The following UMAD1 variants were observed in gnomAD, a reference collection of about 807,000 sequenced individuals.
UMAD1 encodes the protein UBAP1-MVB12-associated (UMA) domain containing 1.
In UMAD1, 8 loss-of-function variants were observed where a neutral mutation model predicts 6.1. The ratio of observed to expected loss-of-function variants is 1.30; its 90% CI spans 0.76 to 2.35. UMAD1 has a LOEUF of 2.35. Ranked by LOEUF, UMAD1 falls within the 30% of genes most tolerant of loss-of-function variation. UMAD1 has a pLI of 0.00. For synonymous variants in UMAD1, 56 were observed against 31.4 expected, an observed-to-expected ratio of 1.78 and a Z score of -2.61; for missense variants, 130 against 78.4, an observed-to-expected ratio of 1.66 and a Z score of -2.49.
chr7:7,860,604 CAA>C (rs373823869), intron 3 of UMAD1, among the ~76,000 whole-genome samples: 17,294 of 93,702 alleles, frequency 0.18, 1,629 homozygotes, highest in East Asian at 0.45. Context: ...ACTAAAAATA[CAA>C]AAAAAAAAAA....
At chr7:7,759,123 G>A (rs756311697) in intron 2 of UMAD1, among the ~76,000 whole-genome samples, 1 of 152,128 alleles carries the variant, frequency 6.6e-6, no homozygotes, top group Non-Finnish European at 1.5e-5. Context: ...AGGCCCATTA[G>A]TATATCTCTT....
At chr7:7,855,880 C>T (rs1238381633) in intron 3 of UMAD1, among the ~76,000 whole-genome samples, 3 of 152,188 alleles carry the variant, frequency 2.0e-5, no homozygotes, top group Non-Finnish European at 4.4e-5. Flanking sequence ...TACCCTACAT[C>T]GTCTCTCAAG....
At chr7:7,795,583 C>T (rs565994622) in intron 2 of UMAD1, among the ~76,000 whole-genome samples, 1 of 152,158 alleles carries the variant, frequency 6.6e-6, no homozygotes, top group East Asian at 1.9e-4. Flanking sequence ...GCGAGGGCTG[C>T]TGGTTGGCTA....
At chr7:7,797,976 C>T (rs983133547) in intron 2 of UMAD1, among the ~76,000 whole-genome samples, 1 of 152,186 alleles carries the variant, frequency 6.6e-6, no homozygotes, top group African/African-American at 2.4e-5. Context: ...CGTGAGCCAC[C>T]GTGCCTGGCC....
intron 1 of UMAD1, among the ~76,000 whole-genome samples, chr7:7,649,685 G>A (rs1785179316): frequency 7.0e-6 from 1 of 143,576 alleles, no homozygotes; most frequent in African/African-American, 2.5e-5. Flanking sequence ...TATTCTTGTT[G>A]GTGGGGGGGC....
chr7:7,833,930 G>T (rs1200661560), intron 3 of UMAD1, among the ~76,000 whole-genome samples: 1 of 151,698 alleles, frequency 6.6e-6, no homozygotes, highest in Non-Finnish European at 1.5e-5. Context: ...TTTCCAAGGA[G>T]ATTCCGTGGG....
At chr7:7,778,292 G>GAGAGAGAGAGAGAC in intron 2 of UMAD1, among the ~76,000 whole-genome samples, 1 of 151,168 alleles carries the variant, frequency 6.6e-6, no homozygotes, top group East Asian at 1.9e-4. Flanking sequence ...GAGAGAGAGA[G>GAGAGAGAGAGAGAC]AGAGACAGAG....
chr7:7,822,486 C>T lies in UMAD1; in HGVS notation c.156+20743C>T, dbSNP rs187724907. ...ATACAATTAGCATGAAATGAGAGAG[C>T]GCTTTTTAAATTTGATGAATAAGGG... On this transcript the variant is annotated intron_variant, in intron 3 of 3. Coordinates refer to ENST00000682710, the MANE Select transcript of UMAD1 (RefSeq NM_001302348.2). Among the ~76,000 whole-genome samples the T allele has an allele frequency of 4.7e-3, 715 of 152,020 alleles. 2 individuals carry two copies. Among genetic ancestry groups the T allele is most frequent in the Non-Finnish European group, 7.5e-3 (507 of 67,970 alleles).
intron 3 of UMAD1, among the ~76,000 whole-genome samples, chr7:7,828,984 C>T (rs574892283): frequency 6.6e-6 from 1 of 152,114 alleles, no homozygotes; most frequent in Non-Finnish European, 1.5e-5. Flanking sequence ...AAAATGCAAA[C>T]ATGGAACACT....
chr7:7,722,894 C>A (rs1241428921), intron 2 of UMAD1, among the ~76,000 whole-genome samples: 4 of 152,160 alleles, frequency 2.6e-5, no homozygotes, highest in South Asian at 2.1e-4. Flanking sequence ...AGCTTGTAAA[C>A]CCTGATCAAT....
intron 3 of UMAD1, among the ~76,000 whole-genome samples, chr7:7,834,186 T>A (rs1196011617): frequency 2.0e-5 from 3 of 151,928 alleles, no homozygotes; most frequent in Non-Finnish European, 4.4e-5. Context: ...CACGCCTGGA[T>A]AAATTTTGTA....
intron 3 of UMAD1, among the ~76,000 whole-genome samples, chr7:7,871,185 TAA>T (rs1438064039): frequency 1.3e-5 from 2 of 152,236 alleles, no homozygotes; most frequent in Non-Finnish European, 2.9e-5. Flanking sequence ...TCTGTCACCT[TAA>T]TGATTTTCTC....
chr7:7,805,461 C>T (rs1390871738), intron 3 of UMAD1, among the ~76,000 whole-genome samples: 4 of 152,148 alleles, frequency 2.6e-5, no homozygotes, highest in African/African-American at 7.2e-5. Flanking sequence ...TGCTGCTCAA[C>T]GTCATCACTG....
intron 2 of UMAD1, among the ~76,000 whole-genome samples, chr7:7,704,771 A>G (rs946553473): frequency 2.2e-3 from 308 of 142,718 alleles, no homozygotes; most frequent in African/African-American, 8.2e-3. Flanking sequence ...CATCTCAAAA[A>G]AAAAAAAAAA....
At chr7:7,779,292 A>T (rs4725025) in intron 2 of UMAD1, among the ~76,000 whole-genome samples, 65,630 of 149,062 alleles carry the variant, frequency 0.44, 14,475 homozygotes, top group Non-Finnish European at 0.49. Context: ...TCTTTTTTTT[A>T]AAAAGAGATA....
Position 7,808,480 on chromosome 7 carries a change from C to T in UMAD1, c.156+6737C>T, listed in dbSNP as rs181758047. The stretch of plus-strand genomic sequence containing the variant: ...ACCGTATTAGCTAATAATTTACCAG[C>T]GGACCTGTTCTTTTTGGCTTTAAGG... On this transcript the variant is annotated intron_variant, in intron 3 of 3. Transcript: ENST00000682710. Among the ~76,000 whole-genome samples, 106 of 152,038 alleles carry T rather than the reference C, an allele frequency of 7.0e-4. 1 individual carries two copies. In the East Asian group the frequency reaches 9.8e-3, roughly 14 times the overall value.
rs543460846 is a variant in UMAD1, at chr7:7,717,741, G to T, written c.82+44288G>T. The stretch of plus-strand genomic sequence containing the variant: ...TGCAGTTTAACAAAGAAGTTAGTTT[G>T]TCATTGTATAGTTCAGGAACTCTGG... On this transcript the variant is annotated intron_variant, in intron 2 of 3. Transcript: ENST00000682710. 7.9e-5 allele frequency among the ~76,000 whole-genome samples: 12 copies of T among 152,292 alleles called. 1 individual carries two copies. Among genetic ancestry groups the T allele is most frequent in the African/African-American group, 2.9e-4 (12 of 41,566 alleles).
chr7:7,725,117 G>A (rs1173732784), intron 2 of UMAD1, among the ~76,000 whole-genome samples: 1 of 152,204 alleles, frequency 6.6e-6, no homozygotes, highest in Non-Finnish European at 1.5e-5. Context: ...TGTGGGGCCT[G>A]TTGAGATATT....
At chr7:7,847,102 AAAATATATATATATATATATATATATAT>A (rs1301343664) in intron 3 of UMAD1, among the ~76,000 whole-genome samples, 1,098 of 20,264 alleles carry the variant, frequency 0.054, 144 homozygotes, top group South Asian at 0.12. Flanking sequence ...AAAAAAAAAA[AAAATATATATATATATATATATATATAT>A]ATATATATAT....
Sources: allele counts gnomAD v4.1 joint callset (sites outside exome capture counted in the v4.1 genomes callset), GRCh38; gene constraint gnomAD v4.1.1; transcripts MANE v1.5; gene names NCBI Gene and HGNC (gene_info 2026-07-23, HGNC 2026-07-21).